DZIP3: variants seen among roughly 807,000 people sequenced by gnomAD.
DZIP3 encodes E3 ubiquitin-protein ligase DZIP3.
Under a neutral mutation model 162.0 loss-of-function variants are expected in DZIP3, and 118 were observed. The observed-to-expected ratio is 0.73, with a 90% CI of 0.63 to 0.85. DZIP3 has a LOEUF of 0.85. Among genes scored for constraint, DZIP3 ranks in the 40% least tolerant of loss-of-function variants. DZIP3 has a pLI of 0.00. For synonymous variants in DZIP3, 438 were observed against 458.6 expected (o/e 0.96, Z 0.57); for missense variants, 1,331 against 1,407.0 (o/e 0.95, Z 0.86).
chr3:108,682,266 T>C (rs1039081227), intron 26 of DZIP3, among the ~76,000 whole-genome samples: 1 of 150,884 alleles, frequency 6.6e-6, no homozygotes, highest in Admixed American at 6.6e-5. Flanking sequence ...ACAATCCTAC[T>C]ACTAGGTATA....
intron 3 of DZIP3, among the ~76,000 whole-genome samples, chr3:108,608,550 A>G (rs1405303472): frequency 6.6e-6 from 1 of 152,146 alleles, no homozygotes; most frequent in Non-Finnish European, 1.5e-5. Context: ...AAGACGTTTG[A>G]GTCATTTCTG....
intron 25 of DZIP3, among the ~76,000 whole-genome samples, chr3:108,676,754 T>C (rs1317294963): frequency 6.6e-6 from 1 of 152,110 alleles, no homozygotes; most frequent in African/African-American, 2.4e-5. Flanking sequence ...GTTGGGTTTA[T>C]TCAAAATTTT....
Position 108,608,105 on chromosome 3 carries a change from G to A in DZIP3, c.49G>A (p.Asp17Asn). The stretch of plus-strand genomic sequence containing the variant: ...TTAAAATAGGCATCCTGCTGTGGAG[G>A]ATCAGAGGAAGGAAGAAACTGAGAA... ...EFFVRHPAVE[D>N]QRKEETENKL... The change falls in exon 3 of 33, where the codon GAT becomes AAT. Residue 17 changes from aspartate (D) to asparagine (N), a missense_variant. Asp to Asn is a conservative substitution (Grantham distance 23). Coordinates refer to ENST00000361582, the MANE Select transcript of DZIP3 (RefSeq NM_014648.4). 4 of 1,613,012 alleles carry A rather than the reference G, an allele frequency of 2.5e-6. No homozygotes were observed. Among genetic ancestry groups the A allele is most frequent in the Non-Finnish European group, 3.4e-6 (4 of 1,179,360 alleles).
intron 12 of DZIP3, among the ~76,000 whole-genome samples, chr3:108,638,597 G>A (rs539226133): frequency 1.3e-5 from 2 of 152,238 alleles, no homozygotes; most frequent in African/African-American, 4.8e-5. Context: ...GATTACAGGC[G>A]TGAGCCACTG....
chr3:108,591,877 T>G (rs1939437313), intron 1 of DZIP3, among the ~76,000 whole-genome samples: 1 of 151,718 alleles, frequency 6.6e-6, no homozygotes, highest in Admixed American at 6.6e-5. Context: ...TCACTTGTAG[T>G]CCTAGCTACT....
At chr3:108,592,594 G>A (rs116385352) in intron 1 of DZIP3, among the ~76,000 whole-genome samples, 21 of 151,860 alleles carry the variant, frequency 1.4e-4, no homozygotes, top group African/African-American at 5.1e-4. Context: ...TACTCAGGAG[G>A]CTGTCATGGG....
intron 1 of DZIP3, among the ~76,000 whole-genome samples, chr3:108,597,213 C>T (rs1297130643): frequency 1.3e-5 from 2 of 152,126 alleles, no homozygotes; most frequent in Non-Finnish European, 2.9e-5. Context: ...ATGATTTGCC[C>T]AACCATGAAG....
At chr3:108,589,540 G>A (rs1247766581), upstream of DZIP3, 1 of 514,558 alleles carries the variant, frequency 1.9e-6, no homozygotes, top group Non-Finnish European at 3.5e-6. Flanking sequence ...GACCGTTCTC[G>A]GTGACGGCCG....
intron 26 of DZIP3, among the ~76,000 whole-genome samples, chr3:108,680,407 C>T (rs1178018931): frequency 6.6e-6 from 1 of 152,048 alleles, no homozygotes; most frequent in African/African-American, 2.4e-5. Context: ...AAAGACTCCA[C>T]TTAAAAACTC....
chr3:108,623,908 C>T (rs1461596933), intron 5 of DZIP3, among the ~76,000 whole-genome samples: 3 of 152,166 alleles, frequency 2.0e-5, no homozygotes, highest in Non-Finnish European at 4.4e-5. Context: ...TCTGATGTGA[C>T]GGGGCAGCAC....
At chr3:108,688,521 C>A in intron 29 of DZIP3, 72 bp from the exon 30 acceptor site, 1 of 1,501,392 alleles carries the variant, frequency 6.7e-7, no homozygotes, top group South Asian at 1.3e-5. Context: ...ATACCCCGTT[C>A]TGTACTAATG....
intron 13 of DZIP3, among the ~76,000 whole-genome samples, chr3:108,643,081 T>C (rs929728840): frequency 6.6e-6 from 1 of 152,258 alleles, no homozygotes; most frequent in African/African-American, 2.4e-5. Flanking sequence ...GCTTTTTAAC[T>C]TGCCTCCACA....
chr3:108,636,537 C>A, intron 10 of DZIP3, 79 bp from the exon 11 acceptor site: 1 of 945,824 alleles, frequency 1.1e-6, no homozygotes. Flanking sequence ...TTGCTTCTAA[C>A]TACATTTATT....
intron 28 of DZIP3, among the ~76,000 whole-genome samples, chr3:108,686,949 A>G (rs1944522113): frequency 6.6e-6 from 1 of 152,152 alleles, no homozygotes; most frequent in Non-Finnish European, 1.5e-5. Flanking sequence ...TATAAGCCCA[A>G]ACATCTTTAG....
In DZIP3 at chr3:108,684,333, G is replaced by GC; in HGVS notation, c.3007dup (p.Leu1003ProfsTer26). 4 of 1,610,282 alleles carry GC rather than the reference G, an allele frequency of 2.5e-6. No individual in the cohort carries two copies. The highest frequency in any genetic ancestry group is 3.4e-6 in the Non-Finnish European group (4 of 1,178,456). On this transcript the variant is annotated frameshift_variant, in exon 27 of 33. Coordinates refer to ENST00000361582, the MANE Select transcript of DZIP3 (RefSeq NM_014648.4). LOFTEE classifies it high-confidence loss of function. ...CGTCTCTGCAACTGGCCAACCTAGA[G>GC]CCCCCCTGGTAAAAGCTTTCTTGGT...
chr3:108,672,666 A>G lies in DZIP3; in HGVS notation c.2589+10A>G, dbSNP rs145761997. The G allele has an allele frequency of 5.3e-5, 86 of 1,609,092 alleles. No homozygotes were observed. Among genetic ancestry groups the G allele is most frequent in the Middle Eastern group, 1.7e-4 (1 of 6,040 alleles). On this transcript the variant is annotated intron_variant, in intron 23 of 32. Coordinates refer to ENST00000361582, the MANE Select transcript of DZIP3 (RefSeq NM_014648.4). ...AGCTTTAACAGCCGAGGTAACAACA[A>G]AACGGGGACAGGGGTATGGGGTGAG...
At chr3:108,590,069 AGG>A (rs1241057578) in intron 1 of DZIP3, 2 of 152,154 alleles carry the variant, frequency 1.3e-5, no homozygotes, top group East Asian at 3.9e-4. Flanking sequence ...ATTGCTCCGG[AGG>A]GTGTTACTCG....
At chr3:108,648,708 C>G (rs897776700) in intron 16 of DZIP3, 13 of 249,426 alleles carry the variant, frequency 5.2e-5, no homozygotes, top group Non-Finnish European at 9.7e-5. Context: ...TGTGTTGTTC[C>G]TTTATTCATC....
chr3:108,616,484 C>A, intron 4 of DZIP3, 57 bp from the exon 5 acceptor site: 1 of 1,123,564 alleles, frequency 8.9e-7, no homozygotes, highest in Non-Finnish European at 1.3e-6. Context: ...ATAATGTAAA[C>A]ATATGTAGAT....
Sources: gnomAD v4.1 joint callset for allele counts (sites outside exome capture counted in the v4.1 genomes callset) on GRCh38, gnomAD v4.1.1 for gene constraint, MANE v1.5 for transcripts, NCBI Gene and HGNC (gene_info 2026-07-23, HGNC 2026-07-21) for gene names.